Variants in STAG1 observed in about 807,000 individuals in gnomAD.
STAG1 encodes STAG1 cohesin complex component, also known as cohesin subunit SA-1.
In STAG1, 26 loss-of-function variants were observed where a neutral mutation model predicts 170.9. The ratio of observed to expected loss-of-function variants is 0.15; its 90% CI spans 0.11 to 0.21. The LOEUF is 0.21. STAG1 is among the 10% of genes least tolerant of loss of function. The probability of loss-of-function intolerance (pLI) is 1.00; values close to 1 mark genes in which losing one functional copy is unlikely to be tolerated. For missense variants in STAG1, 964 were observed against 1,509.5 expected, an observed-to-expected ratio of 0.64 and a Z score of 5.99; for synonymous variants, 514 against 497.7, an observed-to-expected ratio of 1.03 and a Z score of -0.44.
intron 9 of STAG1, among the ~76,000 whole-genome samples, chr3:136,490,202 CT>C (rs1186130853): frequency 1.8e-4 from 27 of 147,882 alleles, no homozygotes; most frequent in East Asian, 5.9e-4. Flanking sequence ...CATCACACCC[CT>C]TTTTTTTTTG....
chr3:136,547,247 T>C (rs1187595367), intron 5 of STAG1, among the ~76,000 whole-genome samples: 2 of 152,198 alleles, frequency 1.3e-5, no homozygotes, highest in Admixed American at 6.5e-5. Flanking sequence ...AACATTAGTA[T>C]AGTACAACTG....
intron 6 of STAG1, among the ~76,000 whole-genome samples, chr3:136,527,974 A>G (rs112974364): frequency 1.2e-3 from 176 of 152,242 alleles, no homozygotes; most frequent in African/African-American, 2.4e-3. Context: ...ATCCGGCCGT[A>G]TGATGTGTCA....
chr3:136,378,523 C>T (rs1937740386), intron 22 of STAG1, among the ~76,000 whole-genome samples: 1 of 152,136 alleles, frequency 6.6e-6, no homozygotes, highest in Non-Finnish European at 1.5e-5. Flanking sequence ...AGAAAATTAG[C>T]CGCGCATGGT....
chr3:136,543,173 TA>T (rs1935988149), intron 5 of STAG1, among the ~76,000 whole-genome samples: 1 of 152,154 alleles, frequency 6.6e-6, no homozygotes, highest in Admixed American at 6.5e-5. Context: ...AGTTGAGGTT[TA>T]GAAAAATAAG....
intron 1 of STAG1, among the ~76,000 whole-genome samples, chr3:136,704,201 C>A (rs187751755): frequency 1.3e-5 from 2 of 151,654 alleles, no homozygotes; most frequent in East Asian, 4.0e-4. Flanking sequence ...CAGGAGTGCA[C>A]CACGACGCCT....
intron 21 of STAG1, among the ~76,000 whole-genome samples, chr3:136,401,936 G>C (rs1025506904): frequency 6.6e-6 from 1 of 151,980 alleles, no homozygotes; most frequent in Non-Finnish European, 1.5e-5. Flanking sequence ...GTAGAGACAG[G>C]GTTCACCATG....
chr3:136,625,786 C>T (rs1405167224), intron 2 of STAG1, among the ~76,000 whole-genome samples: 5 of 152,236 alleles, frequency 3.3e-5, no homozygotes, highest in African/African-American at 1.2e-4. Flanking sequence ...AGCCATTCTA[C>T]ACACCGCTGC....
intron 9 of STAG1, among the ~76,000 whole-genome samples, chr3:136,495,884 G>A (rs1370136256): frequency 6.6e-6 from 1 of 151,286 alleles, no homozygotes; most frequent in Non-Finnish European, 1.5e-5. Flanking sequence ...CAGGAGAATG[G>A]CGTGAACCTG....
Position 136,668,656 on chromosome 3 carries a change from G to T in STAG1, c.-83-37675C>A, listed in dbSNP as rs138491457. 2.6e-3 allele frequency among the ~76,000 whole-genome samples: 400 copies of T among 152,118 alleles called. 2 individuals are homozygous for T. The highest frequency in any genetic ancestry group is 9.1e-3 in the African/African-American group (379 of 41,488). On this transcript the variant is annotated intron_variant, in intron 1 of 33. Coordinates refer to ENST00000383202, the MANE Select transcript of STAG1 (RefSeq NM_005862.3). ...AAAGGACACGGAACAGTACAGTTCT[G>T]ATCTGCCAGCCCAGCAGAGAACTCG... is the stretch of plus-strand genomic sequence containing the variant.
At chr3:136,434,356 G>A (rs1175682878) in intron 15 of STAG1, among the ~76,000 whole-genome samples, 1 of 152,092 alleles carries the variant, frequency 6.6e-6, no homozygotes, top group Admixed American at 6.6e-5. Flanking sequence ...AACACTAGAT[G>A]TTATAAACCA....
Position 136,422,438 on chromosome 3 carries a change from T to C in STAG1, c.2009A>G (p.Asn670Ser), listed in dbSNP as rs201418951. ...TTGCAATAGGTCTTCCACAGAATGA[T>C]TGAATCGATCTACAAACTCATCAAT... ...QLIDEFVDRF[N>S]HSVEDLLQEG... Residue 670 changes from asparagine (N) to serine (S), a missense_variant, in exon 19 of 34, where the codon AAT (asparagine) becomes AGT (serine). Asn to Ser is a conservative substitution (Grantham distance 46). This residue lies in a region of STAG1 where 232 missense variants were observed against 313.0 expected (regional missense o/e 0.74). Transcript: ENST00000383202. 168 of 1,613,918 alleles carry C rather than the reference T, an allele frequency of 1.0e-4. 1 individual carries two copies. Among genetic ancestry groups the C allele is most frequent in the South Asian group, 2.6e-4 (24 of 91,078 alleles).
At chr3:136,484,722 T>C (rs1175026905) in intron 9 of STAG1, among the ~76,000 whole-genome samples, 2 of 151,028 alleles carry the variant, frequency 1.3e-5, no homozygotes, top group African/African-American at 4.9e-5. Context: ...GTGCCAGCAA[T>C]CAGCGAGATT....
chr3:136,649,350 G>A (rs1009133508), intron 1 of STAG1, among the ~76,000 whole-genome samples: 1 of 151,852 alleles, frequency 6.6e-6, no homozygotes, highest in Non-Finnish European at 1.5e-5. Context: ...ATGGTGGCAC[G>A]TGCCTGTAAT....
chr3:136,373,358 CTCTGA>C (rs1937451037), intron 23 of STAG1, among the ~76,000 whole-genome samples: 1 of 152,098 alleles, frequency 6.6e-6, no homozygotes, highest in East Asian at 1.9e-4. Context: ...TTCAGTTCTG[CTCTGA>C]TCTTAGTTAT....
At chr3:136,519,890 A>G (rs1433982312) in intron 7 of STAG1, among the ~76,000 whole-genome samples, 2 of 152,208 alleles carry the variant, frequency 1.3e-5, no homozygotes, top group East Asian at 3.9e-4. Flanking sequence ...TATATTTTTA[A>G]TCTTTTGAAA....
Position 136,477,172 on chromosome 3 carries a change from T to A in STAG1, c.1026+117A>T, listed in dbSNP as rs111626375. ...TAAATAGTTATTCAGCTGCATCATC[T>A]TAAAATTTCCACATGATTACAACTC... On this transcript the variant is annotated intron_variant, in intron 10 of 33. Transcript: ENST00000383202. The A allele has an allele frequency of 6.1e-5, 72 of 1,175,134 alleles. 1 individual carries two copies. In the African/African-American group the frequency reaches 8.8e-4, roughly 14 times the overall value. The allele number at this position is 1,175,134 out of a possible 1,614,324, so 72.8% of individuals were successfully genotyped here.
rs536392595 is a variant in STAG1, at chr3:136,486,999, C to CAAAAA, written c.903-9592_903-9588dup. On this transcript the variant is annotated intron_variant, in intron 9 of 33. Coordinates refer to ENST00000383202, the MANE Select transcript of STAG1 (RefSeq NM_005862.3). Reference sequence around the variant, plus strand: ...CAATGCCGATTTTTTTTTATTTCTTCAAAAAAAAAAAAAAAAAAAAAAAAA... The same window carrying CAAAAA: ...CAATGCCGATTTTTTTTTATTTCTTCAAAAAAAAAAAAAAAAAAAAAAAAAAAAAA... Among the ~76,000 whole-genome samples, 13 of 54,662 alleles carry CAAAAA rather than the reference C, an allele frequency of 2.4e-4. 1 individual carries two copies. The highest frequency in any genetic ancestry group is 1.1e-3 in the African/African-American group (12 of 10,888). The allele number at this position is 54,662 out of a possible 152,430, so 35.9% of individuals were successfully genotyped here.
chr3:136,636,257 AAAAG>A (rs1940553517), intron 1 of STAG1, among the ~76,000 whole-genome samples: 2 of 152,254 alleles, frequency 1.3e-5, no homozygotes, highest in African/African-American at 4.8e-5. Flanking sequence ...TCAAAAAAAA[AAAAG>A]AAAGAAAAGA....
intron 3 of STAG1, among the ~76,000 whole-genome samples, chr3:136,616,502 AACTAATAT>A (rs1939602668): frequency 6.6e-6 from 1 of 152,234 alleles, no homozygotes. Context: ...AAAGAAGTCC[AACTAATAT>A]ACTTCCTAAA....
Sources: gnomAD v4.1 joint callset for allele counts (sites outside exome capture counted in the v4.1 genomes callset) on GRCh38, gnomAD v4.1.1 for gene constraint, gnomAD v4.1.1 regional missense constraint, MANE v1.5 for transcripts, NCBI Gene and HGNC (gene_info 2026-07-23, HGNC 2026-07-21) for gene names.